The following RPS6KA2 variants were observed in gnomAD, a reference collection of about 807,000 sequenced individuals.
RPS6KA2 encodes ribosomal protein S6 kinase A2.
A neutral mutation model predicts 91.8 loss-of-function variants in RPS6KA2; 42 were observed. The observed-to-expected ratio is 0.46, with a 90% CI of 0.36 to 0.59. The LOEUF is 0.59. Among genes scored for constraint, RPS6KA2 ranks in the 20% least tolerant of loss-of-function variants. The pLI is 0.00. For missense variants in RPS6KA2, 798 were observed against 978.5 expected (o/e 0.82, Z 2.46); for synonymous variants, 414 against 393.6 (o/e 1.05, Z -0.61).
At chr6:166,491,402 T>A (rs1053396105) in intron 8 of RPS6KA2, among the ~76,000 whole-genome samples, 1 of 152,170 alleles carries the variant, frequency 6.6e-6, no homozygotes, top group African/African-American at 2.4e-5. Context: ...CCCGGGCACA[T>A]GCAGTGGTGA....
In RPS6KA2 at chr6:166,853,348, C is replaced by A. The variant is rs967455591; in HGVS notation, c.123+4852G>T. On this transcript the variant is annotated intron_variant, in intron 2 of 21. Transcript: ENST00000503859. ...AAGGCTGTTCTGTGAAATAAAAACT[C>A]ACCTAAAAATCATCTATGTATCTAA... is the stretch of plus-strand genomic sequence containing the variant. 2.0e-5 allele frequency among the ~76,000 whole-genome samples: 3 copies of A among 152,222 alleles called. No individual in the cohort carries two copies. In the East Asian group the frequency reaches 5.8e-4, roughly 29 times the overall value.
chr6:166,636,916 AGTGCT>A (rs1449420048), intron 2 of RPS6KA2, among the ~76,000 whole-genome samples: 1 of 152,234 alleles, frequency 6.6e-6, no homozygotes, highest in Non-Finnish European at 1.5e-5. Flanking sequence ...TTTAAAAAAA[AGTGCT>A]GAGAGGCTGT....
At chr6:166,521,546 T>C (rs1444130957) in intron 3 of RPS6KA2, among the ~76,000 whole-genome samples, 1 of 152,268 alleles carries the variant, frequency 6.6e-6, no homozygotes, top group African/African-American at 2.4e-5. Flanking sequence ...GTCTGTCCTA[T>C]GCTGGTCCCA....
intron 16 of RPS6KA2, 102 bp downstream of exon 16, chr6:166,430,351 A>C (rs1267853577): frequency 9.5e-7 from 1 of 1,049,776 alleles, no homozygotes; most frequent in African/African-American, 1.6e-5. Context: ...GAATTCCAGG[A>C]CAATCCGCGT....
At chr6:166,698,267 G>A (rs1789410712) in intron 2 of RPS6KA2, among the ~76,000 whole-genome samples, 2 of 152,216 alleles carry the variant, frequency 1.3e-5, no homozygotes, top group Admixed American at 1.3e-4. Flanking sequence ...AGAAGAGGAT[G>A]GGTCGGTATA....
intron 15 of RPS6KA2, among the ~76,000 whole-genome samples, 159 bp downstream of exon 15, chr6:166,432,242 G>C (rs1362969115): frequency 6.6e-6 from 1 of 152,192 alleles, no homozygotes; most frequent in African/African-American, 2.4e-5. Flanking sequence ...TGAGTACACA[G>C]TCCAGCAAGT....
intron 2 of RPS6KA2, among the ~76,000 whole-genome samples, chr6:166,839,649 G>A (rs922371533): frequency 3.9e-5 from 5 of 127,838 alleles, no homozygotes; most frequent in African/African-American, 9.1e-5. Flanking sequence ...TAGTCACAAG[G>A]GTGCTTATAA....
chr6:166,842,421 A>G (rs1428043906), intron 2 of RPS6KA2, among the ~76,000 whole-genome samples: 1 of 152,212 alleles, frequency 6.6e-6, no homozygotes, highest in Non-Finnish European at 1.5e-5. Flanking sequence ...TCACCAGCAA[A>G]GCACAGAGGA....
intron 2 of RPS6KA2, among the ~76,000 whole-genome samples, chr6:166,758,898 A>G (rs1200832142): frequency 6.6e-6 from 1 of 152,226 alleles, no homozygotes; most frequent in African/African-American, 2.4e-5. Context: ...TCAGACAGAA[A>G]TAGTTGAAGT....
intron 2 of RPS6KA2, among the ~76,000 whole-genome samples, chr6:166,752,385 A>T (rs34179446): frequency 0.046 from 6,972 of 152,306 alleles, 219 homozygotes; most frequent in South Asian, 0.13. Context: ...GACACACTGA[A>T]GTCTAGAGAG....
chr6:166,860,955 C>T (rs976711096), intron 1 of RPS6KA2, among the ~76,000 whole-genome samples: 2 of 151,748 alleles, frequency 1.3e-5, no homozygotes, highest in African/African-American at 4.9e-5. Flanking sequence ...TCATCCTTCT[C>T]CCACCCCAGG....
intron 2 of RPS6KA2, among the ~76,000 whole-genome samples, chr6:166,835,335 T>G (rs188921513): frequency 6.6e-6 from 1 of 152,360 alleles, no homozygotes; most frequent in East Asian, 1.9e-4. Flanking sequence ...GTGGAGATTT[T>G]GATTGGTGTT....
chr6:166,466,668 T>C (rs1028189097), intron 11 of RPS6KA2, among the ~76,000 whole-genome samples: 1 of 152,204 alleles, frequency 6.6e-6, no homozygotes, highest in African/African-American at 2.4e-5. Context: ...AGGGGGCAAG[T>C]CTCCCTCGAC....
At chr6:166,738,815 T>C (rs950352143) in intron 2 of RPS6KA2, among the ~76,000 whole-genome samples, 3 of 152,190 alleles carry the variant, frequency 2.0e-5, no homozygotes, top group African/African-American at 2.4e-5. Flanking sequence ...AGTCCAGCAA[T>C]GGAATCTGCC....
At chr6:166,682,156 C>T (rs1038973218) in intron 2 of RPS6KA2, among the ~76,000 whole-genome samples, 8 of 152,122 alleles carry the variant, frequency 5.3e-5, no homozygotes, top group South Asian at 2.1e-4. Flanking sequence ...AATAAACTTC[C>T]GCTTGAAAAT....
At chr6:166,777,895 A>C (rs1778668220) in intron 2 of RPS6KA2, among the ~76,000 whole-genome samples, 1 of 152,354 alleles carries the variant, frequency 6.6e-6, no homozygotes, top group East Asian at 1.9e-4. Flanking sequence ...CATCTAAAAA[A>C]ATGTGTAATG....
chr6:166,751,099 C>T (rs1791268194), intron 2 of RPS6KA2, among the ~76,000 whole-genome samples: 1 of 152,174 alleles, frequency 6.6e-6, no homozygotes, highest in South Asian at 2.1e-4. Context: ...CTGCAGGTGA[C>T]GGCAGGCCTC....
chr6:166,537,304 C>T (rs965208764), intron 2 of RPS6KA2, among the ~76,000 whole-genome samples: 2 of 152,250 alleles, frequency 1.3e-5, no homozygotes, highest in African/African-American at 4.8e-5. Flanking sequence ...TTATTCTCCT[C>T]TCTCTTTTTT....
At chr6:166,622,725 C>G (rs985155040) in intron 1 of RPS6KA2, among the ~76,000 whole-genome samples, 6 of 152,164 alleles carry the variant, frequency 3.9e-5, no homozygotes, top group Admixed American at 6.5e-5. Context: ...ATTAAAATGT[C>G]TTTATATGTA....
Sources: allele counts gnomAD v4.1 joint callset (sites outside exome capture counted in the v4.1 genomes callset), GRCh38; gene constraint gnomAD v4.1.1; transcripts MANE v1.5; gene names NCBI Gene and HGNC (gene_info 2026-07-23, HGNC 2026-07-21).